Variants in ESRRG observed in about 807,000 individuals in gnomAD.
ESRRG encodes the protein estrogen-related receptor gamma.
ESRRG carries 13 observed loss-of-function variants against 44.0 expected under a neutral mutation model. That is an observed-to-expected ratio of 0.30 (90% CI 0.19 to 0.47). The LOEUF (loss-of-function observed/expected upper bound fraction) is 0.47, where lower values mean the gene tolerates loss of function less well. Ranked by LOEUF, ESRRG falls within the 20% of genes least tolerant of loss-of-function variation. The pLI, the probability that ESRRG is intolerant of heterozygous loss-of-function variation, is 1.00. For missense variants in ESRRG, 395 were observed against 580.6 expected (o/e 0.68, Z 3.29); for synonymous variants, 215 against 214.6 (o/e 1.00, Z -0.02).
At chr1:216,884,211 C>T (rs1190165077) in intron 2 of ESRRG, among the ~76,000 whole-genome samples, 1 of 152,214 alleles carries the variant, frequency 6.6e-6, no homozygotes, top group Non-Finnish European at 1.5e-5. Context: ...ACATAAATCT[C>T]CTGCTTTATG....
intron 5 of ESRRG, among the ~76,000 whole-genome samples, chr1:216,544,751 T>C (rs549290229): frequency 1.4e-4 from 22 of 152,000 alleles, no homozygotes; most frequent in Admixed American, 1.1e-3. Context: ...TTTGTTTTGT[T>C]TTGTTTTGTT....
intron 2 of ESRRG, among the ~76,000 whole-genome samples, chr1:216,780,356 T>C (rs2093884638): frequency 6.6e-6 from 1 of 152,004 alleles, no homozygotes; most frequent in Admixed American, 6.6e-5. Context: ...GCAATTCTTC[T>C]CTTTCCCTGA....
At chr1:216,914,062 C>T (rs1250289915) in intron 2 of ESRRG, among the ~76,000 whole-genome samples, 1 of 152,060 alleles carries the variant, frequency 6.6e-6, no homozygotes, top group African/African-American at 2.4e-5. Context: ...CAAGAAAAAC[C>T]TATTTCAAGT....
chr1:216,751,875 C>T (rs1287418432), intron 2 of ESRRG, among the ~76,000 whole-genome samples: 2 of 152,036 alleles, frequency 1.3e-5, no homozygotes, highest in Admixed American at 6.6e-5. Context: ...CATGCTGTGG[C>T]TGAGCTCTCT....
At chr1:216,938,536 A>G (rs1453680076) in intron 2 of ESRRG, among the ~76,000 whole-genome samples, 1 of 152,192 alleles carries the variant, frequency 6.6e-6, no homozygotes. Context: ...TCAATTTGCA[A>G]ATTAAGCAAC....
chr1:217,084,450 A>T (rs1240671699), intron 1 of ESRRG, among the ~76,000 whole-genome samples: 4 of 144,072 alleles, frequency 2.8e-5, no homozygotes, highest in African/African-American at 2.5e-5. Context: ...AGACTTATTA[A>T]TCTAATATAT....
At chr1:216,797,185 C>T (rs1015666095) in intron 2 of ESRRG, among the ~76,000 whole-genome samples, 12 of 152,140 alleles carry the variant, frequency 7.9e-5, no homozygotes, top group African/African-American at 1.7e-4. Context: ...CCACCGTGCG[C>T]GGCCTCCTAT....
intron 2 of ESRRG, among the ~76,000 whole-genome samples, chr1:216,883,300 G>A (rs746820888): frequency 7.5e-5 from 11 of 146,030 alleles, no homozygotes; most frequent in East Asian, 2.1e-4. Context: ...CAGGAGAATC[G>A]TTTGAACCTG....
At chr1:216,761,592 A>G (rs1380153682) in intron 2 of ESRRG, among the ~76,000 whole-genome samples, 3 of 152,166 alleles carry the variant, frequency 2.0e-5, no homozygotes, top group Non-Finnish European at 2.9e-5. Flanking sequence ...AGTGCCTACT[A>G]TCTAAAGAAT....
intron 1 of ESRRG, among the ~76,000 whole-genome samples, chr1:217,110,317 T>C (rs2092647212): frequency 6.6e-6 from 1 of 152,228 alleles, no homozygotes; most frequent in Non-Finnish European, 1.5e-5. Flanking sequence ...AGTTGCTTTT[T>C]GGGCTTCCAA....
At chr1:217,025,683 C>T (rs183387122) in intron 1 of ESRRG, among the ~76,000 whole-genome samples, 127 of 152,320 alleles carry the variant, frequency 8.3e-4, no homozygotes, top group Admixed American at 1.7e-3. Flanking sequence ...GGTCCAAACA[C>T]AGCCCCTATC....
At chr1:216,744,255 C>T (rs1235847378) in intron 2 of ESRRG, among the ~76,000 whole-genome samples, 1 of 152,080 alleles carries the variant, frequency 6.6e-6, no homozygotes, top group African/African-American at 2.4e-5. Context: ...GGTGCTAAAT[C>T]AATTTATTTA....
intron 3 of ESRRG, among the ~76,000 whole-genome samples, chr1:216,597,087 C>G (rs1292009353): frequency 1.3e-5 from 2 of 151,942 alleles, no homozygotes; most frequent in African/African-American, 4.8e-5. Context: ...CCACATTTAC[C>G]CACATTTAAT....
chr1:216,821,699 AATAAATAAATAAAT>A (rs2095296370), intron 2 of ESRRG, among the ~76,000 whole-genome samples: 1 of 126,010 alleles, frequency 7.9e-6, no homozygotes, highest in East Asian at 2.3e-4. Flanking sequence ...AAAATAAATA[AATAAATAAATAAAT>A]AAATAAATAA....
chr1:216,672,912 G>A (rs1348420128), intron 2 of ESRRG, among the ~76,000 whole-genome samples: 1 of 152,154 alleles, frequency 6.6e-6, no homozygotes, highest in African/African-American at 2.4e-5. Flanking sequence ...CTTAACAGAT[G>A]ATGGTGTACA....
intron 1 of ESRRG, among the ~76,000 whole-genome samples, chr1:217,135,613 G>A (rs1271560301): frequency 2.6e-5 from 4 of 152,082 alleles, no homozygotes; most frequent in African/African-American, 9.7e-5. Context: ...CGCGCGAAGC[G>A]GGGTCAGGCG....
intron 2 of ESRRG, among the ~76,000 whole-genome samples, chr1:216,675,049 A>G (rs2075850523): frequency 6.6e-6 from 1 of 152,092 alleles, no homozygotes; most frequent in Admixed American, 6.5e-5. Context: ...AGAAGAGTTG[A>G]ATTTCCAGAT....
At chr1:217,126,411 G>A (rs141263843) in intron 1 of ESRRG, among the ~76,000 whole-genome samples, 478 of 152,170 alleles carry the variant, frequency 3.1e-3, no homozygotes, top group Non-Finnish European at 5.7e-3. Context: ...GTTTTCTGCT[G>A]GTTATTTAGA....
chr1:216,536,524 C>T (rs1218144334), intron 5 of ESRRG, among the ~76,000 whole-genome samples: 2 of 152,030 alleles, frequency 1.3e-5, no homozygotes, highest in South Asian at 4.1e-4. Flanking sequence ...AATAGCCTCC[C>T]AACTTATGAT....
Sources: allele counts gnomAD v4.1 joint callset (sites outside exome capture counted in the v4.1 genomes callset), GRCh38; gene constraint gnomAD v4.1.1; transcripts MANE v1.5; gene names NCBI Gene and HGNC (gene_info 2026-07-23, HGNC 2026-07-21).